GATB: variants seen among roughly 807,000 people sequenced by gnomAD.
The protein encoded by GATB is glutamyl-tRNA amidotransferase subunit B.
A neutral mutation model predicts 62.3 loss-of-function variants in GATB; 39 were observed. The observed-to-expected ratio is 0.63, with a 90% CI of 0.48 to 0.82. GATB has a LOEUF of 0.82. GATB is among the 40% of genes least tolerant of loss of function. The pLI is 0.00. For missense variants in GATB, 670 were observed against 684.0 expected (o/e 0.98, Z 0.23); for synonymous variants, 276 against 258.9 (o/e 1.07, Z -0.63).
intron 2 of GATB, among the ~76,000 whole-genome samples, chr4:151,728,525 T>A (rs10008090): frequency 1.4e-4 from 21 of 152,132 alleles, no homozygotes; most frequent in African/African-American, 3.6e-4. Context: ...ATAACTTTTT[T>A]AAAAAAAGTA....
intron 11 of GATB, among the ~76,000 whole-genome samples, chr4:151,676,772 A>C (rs1375603556): frequency 6.6e-6 from 1 of 152,212 alleles, no homozygotes; most frequent in Non-Finnish European, 1.5e-5. Context: ...CTGAAGAACA[A>C]GGCTGCTTTG....
At chr4:151,707,363 A>T (rs1738734916) in intron 6 of GATB, among the ~76,000 whole-genome samples, 1 of 152,098 alleles carries the variant, frequency 6.6e-6, no homozygotes, top group African/African-American at 2.4e-5. Context: ...GCGTGATCAC[A>T]GCTCACTACA....
Position 151,722,030 on chromosome 4 carries a change from C to T in GATB, c.328-2492G>A. ...ACTTCAAGGTCAGAATTATAAGCATCAGTCATCACACGTTACAGATGCACA... is the reference window on the plus strand; with the variant it reads ...ACTTCAAGGTCAGAATTATAAGCATTAGTCATCACACGTTACAGATGCACA... On this transcript the variant is annotated intron_variant, in intron 2 of 12. Transcript: ENST00000263985. The T allele has an allele frequency of 5.1e-6, 3 of 592,364 alleles. No individual in the cohort carries two copies. The South Asian group carries it at 6.4e-5, about 13-fold the overall frequency. The allele number at this position is 592,364 out of a possible 1,614,324, so 36.7% of individuals were successfully genotyped here.
chr4:151,706,475 A>C (rs934556902), intron 6 of GATB, among the ~76,000 whole-genome samples: 1 of 152,158 alleles, frequency 6.6e-6, no homozygotes, highest in African/African-American at 2.4e-5. Context: ...CTTCCTCCTC[A>C]CCAACTTGGC....
rs139267777 is a variant in GATB at position 151,756,677 on chromosome 4, A to G, written c.327+2095T>C. Reference sequence around the variant, plus strand: ...CAAGCTCTCAACACTCAAATGTCCCAAACACCTTCACTGTGTTATTGATAT... The same window carrying G: ...CAAGCTCTCAACACTCAAATGTCCCGAACACCTTCACTGTGTTATTGATAT... On this transcript the variant is annotated intron_variant, in intron 2 of 12. Transcript: ENST00000263985. 1.4e-4 allele frequency among the ~76,000 whole-genome samples: 22 copies of G among 152,364 alleles called. No homozygotes were observed. The East Asian group carries it at 4.2e-3, about 29-fold the overall frequency.
chr4:151,700,449 C>T (rs1041538243), intron 9 of GATB, among the ~76,000 whole-genome samples: 1 of 152,182 alleles, frequency 6.6e-6, no homozygotes, highest in African/African-American at 2.4e-5. Context: ...CTACGTTGTA[C>T]TGTAAATGCT....
chr4:151,715,941 A>G (rs1738903743), intron 5 of GATB, 68 bp downstream of exon 5: 2 of 1,521,700 alleles, frequency 1.3e-6, no homozygotes, highest in Non-Finnish European at 1.8e-6. Context: ...AAATAAAACT[A>G]AAGTCAGAGA....
chr4:151,708,790 A>T (rs1738764774), intron 5 of GATB, among the ~76,000 whole-genome samples: 1 of 152,122 alleles, frequency 6.6e-6, no homozygotes, highest in Middle Eastern at 3.2e-3. Flanking sequence ...AGAGGTGCTG[A>T]CCCCATGCTG....
chr4:151,672,131 A>T (rs1373085780), intron 12 of GATB, among the ~76,000 whole-genome samples: 1 of 152,126 alleles, frequency 6.6e-6, no homozygotes, highest in Admixed American at 6.5e-5. Context: ...AGATGCCGAC[A>T]ATTTTTTTCC....
Position 151,671,030 on chromosome 4 carries a change from T to G in GATB, c.*144A>C. ...AGGGCCTAGAGGGTGAGAACACTGGTGACATTAATGCCATAGCTGTGGCTT... is the reference window on the plus strand; with the variant it reads ...AGGGCCTAGAGGGTGAGAACACTGGGGACATTAATGCCATAGCTGTGGCTT... On this transcript the variant is annotated 3_prime_UTR_variant, in exon 13 of 13. Coordinates refer to ENST00000263985, the MANE Select transcript of GATB (RefSeq NM_004564.3). The G allele has an allele frequency of 1.1e-6, 1 of 944,118 alleles. No homozygotes were observed. Among genetic ancestry groups the G allele is most frequent in the Non-Finnish European group, 1.6e-6 (1 of 618,112 alleles). 58.5% of individuals were successfully genotyped at this position (944,118 alleles called of 1,614,324 possible).
At chr4:151,705,493 G>A (rs1158035031) in intron 6 of GATB, among the ~76,000 whole-genome samples, 1 of 152,172 alleles carries the variant, frequency 6.6e-6, no homozygotes, top group Non-Finnish European at 1.5e-5. Context: ...TCCGTGTTGA[G>A]ACAATTCAGG....
At position 151,735,734 on chromosome 4, in the gene GATB, GTGTATA is replaced by G. The variant is rs955640500; in HGVS notation, c.328-16202_328-16197del. ...TCAACAAGTGGATAAATAAACTGTG[GTGTATA>G]TATATATATATATATATGATGGAAT... is the stretch of plus-strand genomic sequence containing the variant. On this transcript the variant is annotated intron_variant, in intron 2 of 12. Transcript: ENST00000263985. Among the ~76,000 whole-genome samples, 10 of 93,624 alleles carry G rather than the reference GTGTATA, an allele frequency of 1.1e-4. 3 individuals carry two copies. The highest frequency in any genetic ancestry group is 2.1e-4 in the Non-Finnish European group (10 of 48,424). 61.4% of individuals were successfully genotyped at this position (93,624 alleles called of 152,430 possible).
At chr4:151,740,715 CTT>C (rs1387576602) in intron 2 of GATB, among the ~76,000 whole-genome samples, 1 of 152,182 alleles carries the variant, frequency 6.6e-6, no homozygotes, top group Admixed American at 6.5e-5. Flanking sequence ...CATGTATTGC[CTT>C]TGCAGGAAGA....
intron 2 of GATB, among the ~76,000 whole-genome samples, chr4:151,741,302 G>C (rs909500076): frequency 6.6e-6 from 1 of 152,142 alleles, no homozygotes; most frequent in Non-Finnish European, 1.5e-5. Flanking sequence ...ACTACACAAA[G>C]GGAAACTACA....
chr4:151,706,365 T>C (rs1272009675), intron 6 of GATB, among the ~76,000 whole-genome samples: 1 of 140,736 alleles, frequency 7.1e-6, no homozygotes, highest in Non-Finnish European at 1.6e-5. Context: ...CTACCTAAAA[T>C]TGGGCTGCTT....
intron 6 of GATB, among the ~76,000 whole-genome samples, chr4:151,705,648 A>G (rs1229924286): frequency 6.6e-6 from 1 of 152,138 alleles, no homozygotes; most frequent in East Asian, 1.9e-4. Flanking sequence ...GGTATCCCCA[A>G]AATTATACAC....
At chr4:151,727,224 T>A (rs1029725896) in intron 2 of GATB, among the ~76,000 whole-genome samples, 3 of 152,232 alleles carry the variant, frequency 2.0e-5, no homozygotes, top group Non-Finnish European at 4.4e-5. Flanking sequence ...CCCGGCCCTT[T>A]ATTGCTTTTC....
chr4:151,719,087 G>T (rs1193007485), intron 3 of GATB, among the ~76,000 whole-genome samples: 5 of 152,216 alleles, frequency 3.3e-5, no homozygotes, highest in Non-Finnish European at 7.3e-5. Context: ...TGTTGCATCA[G>T]CCAGAGCCTT....
rs1377552166 is a variant in GATB, at chr4:151,688,665, G to A, written c.1296C>T (p.Gly432=). 1.9e-6 allele frequency: 3 copies of A among 1,611,764 alleles called. No individual in the cohort carries two copies. In the Admixed American group the frequency reaches 5.0e-5, roughly 27 times the overall value. Residue 432 remains glycine (G), a synonymous_variant, in exon 10 of 13, where the codon GGC becomes GGT. Transcript: ENST00000263985. ...CAGCGAGGTTCTGTTGCTTTAAATA[G>A]CCCAGAAAAGTGTTGAGGACCCAAC... The part of the protein sequence containing the change: ...VTSWVLNTFL[G]YLKQQNLAVS...
Sources: allele counts gnomAD v4.1 joint callset (sites outside exome capture counted in the v4.1 genomes callset), GRCh38; gene constraint gnomAD v4.1.1; transcripts MANE v1.5; gene names NCBI Gene and HGNC (gene_info 2026-07-23, HGNC 2026-07-21).